RNF180: variants seen among roughly 807,000 people sequenced by gnomAD.
The protein encoded by RNF180 is E3 ubiquitin-protein ligase RNF180.
RNF180 carries 38 observed loss-of-function variants against 59.2 expected under a neutral mutation model. That is an observed-to-expected ratio of 0.64 (90% CI 0.50 to 0.84). RNF180 has a LOEUF of 0.84. RNF180 is among the 40% of genes least tolerant of loss of function. RNF180 has a pLI of 0.00. For synonymous variants in RNF180, 262 were observed against 240.3 expected, an observed-to-expected ratio of 1.09 and a Z score of -0.84; for missense variants, 705 against 700.9, an observed-to-expected ratio of 1.01 and a Z score of -0.07.
chr5:64,224,679 T>C (rs1417823388), intron 5 of RNF180, among the ~76,000 whole-genome samples: 1 of 152,072 alleles, frequency 6.6e-6, no homozygotes, highest in Non-Finnish European at 1.5e-5. Context: ...TGGGGGGAAA[T>C]GTCAGTTGGG....
intron 5 of RNF180, among the ~76,000 whole-genome samples, chr5:64,269,282 G>C (rs1364223241): frequency 6.6e-6 from 1 of 152,056 alleles, no homozygotes; most frequent in African/African-American, 2.4e-5. Flanking sequence ...ACCTGGACTG[G>C]AGTGCAGTGC....
At chr5:64,257,237 A>G (rs1416957722) in intron 5 of RNF180, among the ~76,000 whole-genome samples, 2 of 152,174 alleles carry the variant, frequency 1.3e-5, no homozygotes, top group African/African-American at 2.4e-5. Flanking sequence ...TTCCAACACT[A>G]CGTTGAATAG....
chr5:64,361,004 C>T (rs150667197), intron 7 of RNF180, among the ~76,000 whole-genome samples: 3 of 151,614 alleles, frequency 2.0e-5, no homozygotes, highest in Non-Finnish European at 3.0e-5. Flanking sequence ...CTCTGTCTTC[C>T]GAGACAGTTT....
At chr5:64,235,396 TCTTTTTTTC>T (rs1742375433) in intron 5 of RNF180, among the ~76,000 whole-genome samples, 1 of 152,116 alleles carries the variant, frequency 6.6e-6, no homozygotes. Flanking sequence ...TTTACAAAGA[TCTTTTTTTC>T]TACTAAATAC....
chr5:64,362,622 G>T (rs757731503), intron 7 of RNF180, among the ~76,000 whole-genome samples: 1 of 151,756 alleles, frequency 6.6e-6, no homozygotes, highest in Non-Finnish European at 1.5e-5. Context: ...GATTGCTGGG[G>T]TCGAATGGTA....
intron 5 of RNF180, among the ~76,000 whole-genome samples, chr5:64,246,881 A>G (rs1214826568): frequency 6.6e-6 from 1 of 152,162 alleles, no homozygotes; most frequent in African/African-American, 2.4e-5. Flanking sequence ...GTAAACCGGA[A>G]TCAGCAGCAC....
chr5:64,284,794 G>A (rs1321634139), intron 5 of RNF180, among the ~76,000 whole-genome samples: 13 of 152,072 alleles, frequency 8.5e-5, no homozygotes, highest in Admixed American at 8.5e-4. Context: ...CATCATTCCT[G>A]TCTATATTCT....
At chr5:64,297,774 A>G (rs1742960748) in intron 5 of RNF180, among the ~76,000 whole-genome samples, 1 of 152,152 alleles carries the variant, frequency 6.6e-6, no homozygotes, top group Non-Finnish European at 1.5e-5. Context: ...TTCAGGAGAA[A>G]GCTTCCAAAC....
intron 7 of RNF180, among the ~76,000 whole-genome samples, chr5:64,358,597 G>A (rs1580307479): frequency 1.3e-5 from 2 of 151,790 alleles, no homozygotes; most frequent in South Asian, 4.2e-4. Flanking sequence ...AAAAGTACAG[G>A]CCCAAGTGGT....
intron 5 of RNF180, among the ~76,000 whole-genome samples, chr5:64,242,173 G>C (rs1742847210): frequency 6.6e-6 from 1 of 152,126 alleles, no homozygotes. Context: ...GCCATATTGG[G>C]CTCTGGGCTT....
At chr5:64,293,119 G>A (rs900332224) in intron 5 of RNF180, among the ~76,000 whole-genome samples, 7 of 152,186 alleles carry the variant, frequency 4.6e-5, no homozygotes, top group African/African-American at 1.7e-4. Context: ...CTTGTGAGGG[G>A]AGCTCCTGAT....
intron 5 of RNF180, among the ~76,000 whole-genome samples, chr5:64,246,165 G>A (rs1743148354): frequency 6.6e-6 from 1 of 152,044 alleles, no homozygotes; most frequent in Non-Finnish European, 1.5e-5. Flanking sequence ...GGAGAAAGTG[G>A]GAAAGATCTA....
intron 7 of RNF180, among the ~76,000 whole-genome samples, chr5:64,344,913 A>C (rs1745494601): frequency 6.6e-6 from 1 of 151,966 alleles, no homozygotes; most frequent in Non-Finnish European, 1.5e-5. Context: ...ATGGATCCCA[A>C]GATGAAGAGT....
chr5:64,192,821 A>G (rs1251329226), intron 1 of RNF180, among the ~76,000 whole-genome samples: 1 of 150,372 alleles, frequency 6.7e-6, no homozygotes, highest in Non-Finnish European at 1.5e-5. Context: ...TGTTCATTTC[A>G]GCATTATTCA....
intron 1 of RNF180, 89 bp downstream of exon 1, chr5:64,166,042 G>GTGGCCCGGGCCCCCACGT (rs1749614373): frequency 6.6e-6 from 1 of 152,414 alleles, no homozygotes. Context: ...CCCAGCCGCG[G>GTGGCCCGGGCCCCCACGT]TGGCCCGGGC....
intron 1 of RNF180, among the ~76,000 whole-genome samples, chr5:64,170,761 A>G (rs538077957): frequency 1.3e-5 from 2 of 152,236 alleles, no homozygotes; most frequent in South Asian, 4.2e-4. Context: ...GTGGTCTTTT[A>G]TGAGGGAGAT....
intron 5 of RNF180, among the ~76,000 whole-genome samples, chr5:64,267,727 C>T (rs570119774): frequency 2.6e-5 from 4 of 152,048 alleles, no homozygotes; most frequent in African/African-American, 9.7e-5. Flanking sequence ...AATATTAAAA[C>T]TCATGATATA....
At chr5:64,287,771 T>A (rs1215054769) in intron 5 of RNF180, among the ~76,000 whole-genome samples, 1 of 151,966 alleles carries the variant, frequency 6.6e-6, no homozygotes, top group African/African-American at 2.4e-5. Flanking sequence ...GATGGTACTA[T>A]TTTTTTCTTG....
At chr5:64,197,302 G>A (rs916100273) in intron 1 of RNF180, among the ~76,000 whole-genome samples, 3 of 152,186 alleles carry the variant, frequency 2.0e-5, no homozygotes, top group Non-Finnish European at 4.4e-5. Context: ...ACACTTTTGA[G>A]ATAGCTGTTT....
Sources: gnomAD v4.1 joint callset for allele counts (sites outside exome capture counted in the v4.1 genomes callset) on GRCh38, gnomAD v4.1.1 for gene constraint, MANE v1.5 for transcripts, NCBI Gene and HGNC (gene_info 2026-07-23, HGNC 2026-07-21) for gene names.